OPCML: variants seen among roughly 807,000 people sequenced by gnomAD.
OPCML encodes the protein opioid-binding protein/cell adhesion molecule.
In OPCML, 13 loss-of-function variants were observed where a neutral mutation model predicts 37.8. That is an observed-to-expected ratio of 0.34 (90% CI 0.22 to 0.55). The LOEUF (loss-of-function observed/expected upper bound fraction) is 0.55, where lower values mean the gene tolerates loss of function less well. Ranked by LOEUF, OPCML falls within the 20% of genes least tolerant of loss-of-function variation. The pLI is 0.91. For missense variants in OPCML, 341 were observed against 435.6 expected (o/e 0.78, Z 1.93); for synonymous variants, 176 against 168.8 (o/e 1.04, Z -0.33).
intron 1 of OPCML, among the ~76,000 whole-genome samples, chr11:133,318,936 A>C (rs536858657): frequency 6.6e-6 from 1 of 152,266 alleles, no homozygotes; most frequent in East Asian, 1.9e-4. Context: ...CTGAGGCAGG[A>C]ACATTTCTTG....
At chr11:132,729,974 C>T (rs1263533668) in intron 2 of OPCML, among the ~76,000 whole-genome samples, 5 of 144,944 alleles carry the variant, frequency 3.4e-5, no homozygotes, top group Middle Eastern at 3.8e-3. Flanking sequence ...GAAAAGGGTT[C>T]GGATTTTGTT....
chr11:132,483,675 G>A (rs1325451391), intron 4 of OPCML, among the ~76,000 whole-genome samples: 14 of 152,030 alleles, frequency 9.2e-5, no homozygotes, highest in Admixed American at 8.5e-4. Flanking sequence ...TATACTACAA[G>A]GCTACAGTAA....
chr11:132,847,336 A>G (rs989283289), intron 2 of OPCML, among the ~76,000 whole-genome samples: 13 of 151,970 alleles, frequency 8.6e-5, no homozygotes, highest in African/African-American at 3.2e-4. Context: ...CATTAGAGTA[A>G]GAGGTATACC....
chr11:132,822,519 T>C (rs1315335972), intron 2 of OPCML, among the ~76,000 whole-genome samples: 1 of 152,040 alleles, frequency 6.6e-6, no homozygotes, highest in Non-Finnish European at 1.5e-5. Context: ...TGTGTGTGTG[T>C]GTGTGCGCGC....
intron 4 of OPCML, among the ~76,000 whole-genome samples, chr11:132,527,155 C>T (rs997886654): frequency 8.6e-5 from 13 of 151,462 alleles, no homozygotes; most frequent in South Asian, 6.2e-4. Flanking sequence ...GGTTATTCGT[C>T]GTTTACAGCT....
chr11:133,366,335 A>G (rs1187473322), intron 1 of OPCML, among the ~76,000 whole-genome samples: 1 of 152,210 alleles, frequency 6.6e-6, no homozygotes, highest in Non-Finnish European at 1.5e-5. Flanking sequence ...TGCATGACTT[A>G]GTGCCTTCAG....
chr11:132,443,621 CA>C (rs1264465765), intron 4 of OPCML, among the ~76,000 whole-genome samples: 1 of 152,224 alleles, frequency 6.6e-6, no homozygotes, highest in African/African-American at 2.4e-5. Context: ...GGTCACAATT[CA>C]AGCTGTCAAG....
chr11:132,733,762 C>T (rs1945162830), intron 2 of OPCML, among the ~76,000 whole-genome samples: 1 of 151,996 alleles, frequency 6.6e-6, no homozygotes, highest in African/African-American at 2.4e-5. Flanking sequence ...GAAAAGTGTG[C>T]TGAGAAAGAG....
chr11:133,007,300 C>A, intron 1 of OPCML: 4 of 985,438 alleles, frequency 4.1e-6, no homozygotes, highest in Middle Eastern at 5.2e-4. Context: ...CAGGATACAG[C>A]TCCATCTATA....
At chr11:133,226,653 C>A (rs978559115) in intron 1 of OPCML, among the ~76,000 whole-genome samples, 1 of 152,142 alleles carries the variant, frequency 6.6e-6, no homozygotes, top group African/African-American at 2.4e-5. Context: ...AAGCAAGCCC[C>A]GAATCCATTA....
chr11:133,218,656 C>T (rs1939688876), intron 1 of OPCML, among the ~76,000 whole-genome samples: 1 of 152,096 alleles, frequency 6.6e-6, no homozygotes, highest in Non-Finnish European at 1.5e-5. Context: ...AGAGGGGAGA[C>T]ACAGAGACAC....
chr11:132,865,617 T>C (rs1470505275), intron 2 of OPCML, among the ~76,000 whole-genome samples: 1 of 152,162 alleles, frequency 6.6e-6, no homozygotes, highest in Non-Finnish European at 1.5e-5. Context: ...GTAAGGCCAG[T>C]GTAGACGCTA....
intron 1 of OPCML, chr11:133,298,558 T>A (rs1942692158): frequency 6.6e-6 from 1 of 152,198 alleles, no homozygotes; most frequent in East Asian, 1.9e-4. Context: ...TCTTGGTCTC[T>A]CTGCCTTAAC....
intron 1 of OPCML, among the ~76,000 whole-genome samples, chr11:133,280,781 C>T (rs937808269): frequency 3.3e-5 from 5 of 152,118 alleles, no homozygotes; most frequent in Admixed American, 1.3e-4. Context: ...TCCATTATAT[C>T]GGCAAGGGAT....
At chr11:133,067,883 T>C (rs1349289823) in intron 1 of OPCML, 1 of 152,178 alleles carries the variant, frequency 6.6e-6, no homozygotes, top group East Asian at 1.9e-4. Flanking sequence ...GCTTATCATA[T>C]ATTTGTGCAA....
At chr11:132,422,696 G>A (rs557652081) in intron 7 of OPCML, among the ~76,000 whole-genome samples, 80 of 152,308 alleles carry the variant, frequency 5.3e-4, no homozygotes, top group Non-Finnish European at 8.4e-4. Context: ...GGAAAACTGG[G>A]AACAGAGCAG....
At chr11:132,731,252 G>T (rs1456072681) in intron 2 of OPCML, among the ~76,000 whole-genome samples, 2 of 152,184 alleles carry the variant, frequency 1.3e-5, no homozygotes, top group Non-Finnish European at 2.9e-5. Flanking sequence ...TCAAAAATCA[G>T]CATAGGACCC....
intron 1 of OPCML, among the ~76,000 whole-genome samples, chr11:133,083,323 C>T (rs1334938248): frequency 1.3e-5 from 2 of 152,144 alleles, no homozygotes; most frequent in Non-Finnish European, 2.9e-5. Flanking sequence ...CTGCCCCTCT[C>T]CGAGGCCCCG....
chr11:132,966,916 C>G (rs1195957828), intron 1 of OPCML, among the ~76,000 whole-genome samples: 1 of 151,938 alleles, frequency 6.6e-6, no homozygotes, highest in Non-Finnish European at 1.5e-5. Context: ...TAAAGTTCAA[C>G]CTATTTGTAT....
Sources: allele counts gnomAD v4.1 joint callset (sites outside exome capture counted in the v4.1 genomes callset), GRCh38; gene constraint gnomAD v4.1.1; transcripts MANE v1.5; gene names NCBI Gene and HGNC (gene_info 2026-07-23, HGNC 2026-07-21).